The following SGMS1 variants were observed in gnomAD, a reference collection of about 807,000 sequenced individuals.
SGMS1 encodes the protein phosphatidylcholine:ceramide cholinephosphotransferase 1.
Under a neutral mutation model 46.2 loss-of-function variants are expected in SGMS1, and 13 were observed. That is an observed-to-expected ratio of 0.28 (90% confidence interval 0.18 to 0.45). SGMS1 has a LOEUF of 0.45. SGMS1 is among the 20% of genes least tolerant of loss of function. The pLI is 1.00. For synonymous variants in SGMS1, 203 were observed against 187.8 expected (o/e 1.08, Z -0.66); for missense variants, 324 against 519.9 (o/e 0.62, Z 3.66).
chr10:50,386,270 C>G (rs975329384), intron 6 of SGMS1, among the ~76,000 whole-genome samples: 2 of 152,124 alleles, frequency 1.3e-5, no homozygotes, highest in African/African-American at 4.8e-5. Context: ...TTAACCTCAA[C>G]TTTGGAAACA....
chr10:50,343,753 G>A lies in SGMS1; in HGVS notation c.362C>T (p.Pro121Leu). The A allele has an allele frequency of 2.5e-6, 4 of 1,614,116 alleles. No homozygotes were observed. Among genetic ancestry groups the A allele is most frequent in the Non-Finnish European group, 3.4e-6 (4 of 1,180,024 alleles). Residue 121 changes from proline (P) to leucine (L), a missense_variant, in exon 7 of 11, where the codon CCA becomes CTA. By Grantham distance (98) the Pro-to-Leu change is moderately conservative. Transcript: ENST00000361781. The part of the protein sequence containing the change: ...YRKEMIKIPM[P>L]ELERSQYPME... ...GGGGTACTGAGAGCGCTCCAGTTCT[G>A]GCATGGGGATCTTTATCATCTCTTT...
chr10:50,552,209 A>G (rs1282340992), intron 2 of SGMS1, among the ~76,000 whole-genome samples: 1 of 152,200 alleles, frequency 6.6e-6, no homozygotes, highest in Non-Finnish European at 1.5e-5. Context: ...TTAATTTTGT[A>G]TATTTATCTT....
At chr10:50,450,221 G>A (rs1435726167) in intron 5 of SGMS1, among the ~76,000 whole-genome samples, 2 of 152,124 alleles carry the variant, frequency 1.3e-5, no homozygotes, top group African/African-American at 4.8e-5. Flanking sequence ...TATATGATGA[G>A]ACTAAGAAAT....
intron 3 of SGMS1, among the ~76,000 whole-genome samples, chr10:50,475,768 TCTC>T (rs1167167178): frequency 1.3e-5 from 2 of 151,844 alleles, no homozygotes; most frequent in African/African-American, 2.4e-5. Flanking sequence ...CCCCAACCAT[TCTC>T]CTGTCAACCA....
intron 1 of SGMS1, among the ~76,000 whole-genome samples, chr10:50,594,023 A>G (rs139592201): frequency 6.6e-6 from 1 of 152,278 alleles, no homozygotes; most frequent in Non-Finnish European, 1.5e-5. Flanking sequence ...TCTAATGCCA[A>G]ATTGTTTTCC....
chr10:50,420,287 A>G (rs1029980583), intron 6 of SGMS1, among the ~76,000 whole-genome samples: 8 of 152,194 alleles, frequency 5.3e-5, no homozygotes, highest in Non-Finnish European at 5.9e-5. Context: ...ATGGTTCACT[A>G]CCAATAGGCG....
At chr10:50,392,463 A>G (rs970881374) in intron 6 of SGMS1, among the ~76,000 whole-genome samples, 3 of 152,172 alleles carry the variant, frequency 2.0e-5, no homozygotes, top group African/African-American at 4.8e-5. Context: ...CTAACTGTAC[A>G]AGGTCGCGAG....
intron 6 of SGMS1, among the ~76,000 whole-genome samples, chr10:50,431,426 T>C (rs1370481821): frequency 6.6e-6 from 1 of 152,220 alleles, no homozygotes; most frequent in African/African-American, 2.4e-5. Flanking sequence ...TTTTGAGAAC[T>C]AGGTGGGTGA....
At chr10:50,437,905 G>A (rs1463189506) in intron 5 of SGMS1, among the ~76,000 whole-genome samples, 2 of 152,194 alleles carry the variant, frequency 1.3e-5, no homozygotes, top group African/African-American at 4.8e-5. Context: ...AATGCCCACT[G>A]ACAAGGAAGG....
chr10:50,448,098 C>T (rs1207339468), intron 5 of SGMS1, among the ~76,000 whole-genome samples: 1 of 152,122 alleles, frequency 6.6e-6, no homozygotes, highest in Non-Finnish European at 1.5e-5. Context: ...TTCATTTTCT[C>T]CTGAGCCTAC....
chr10:50,325,060 A>G (rs1024924035), intron 8 of SGMS1, among the ~76,000 whole-genome samples: 2 of 152,218 alleles, frequency 1.3e-5, no homozygotes, highest in Non-Finnish European at 2.9e-5. Context: ...TTGAACACCA[A>G]TAGCATTATG....
intron 6 of SGMS1, among the ~76,000 whole-genome samples, chr10:50,388,378 A>C (rs1180543300): frequency 6.6e-6 from 1 of 151,980 alleles, no homozygotes; most frequent in African/African-American, 2.4e-5. Context: ...TCATGCCTGT[A>C]ATCCCAGCAC....
At chr10:50,594,272 C>A (rs978411009) in intron 1 of SGMS1, among the ~76,000 whole-genome samples, 2 of 152,184 alleles carry the variant, frequency 1.3e-5, no homozygotes, top group African/African-American at 4.8e-5. Context: ...ACCCAGCCAA[C>A]ACCACACACT....
chr10:50,532,894 T>C (rs1837967288), intron 2 of SGMS1, among the ~76,000 whole-genome samples: 1 of 152,218 alleles, frequency 6.6e-6, no homozygotes, highest in Non-Finnish European at 1.5e-5. Flanking sequence ...TCAATTCACG[T>C]AAGCAATCCA....
intron 1 of SGMS1, among the ~76,000 whole-genome samples, chr10:50,606,489 A>G (rs975253394): frequency 3.3e-5 from 5 of 152,240 alleles, no homozygotes; most frequent in African/African-American, 1.2e-4. Flanking sequence ...GTATTTTACT[A>G]TAATCAAAAA....
At chr10:50,539,521 T>C (rs1301071622) in intron 2 of SGMS1, among the ~76,000 whole-genome samples, 4 of 152,240 alleles carry the variant, frequency 2.6e-5, no homozygotes, top group African/African-American at 4.8e-5. Flanking sequence ...CTAAGTATTA[T>C]ATGGGACCTG....
intron 6 of SGMS1, among the ~76,000 whole-genome samples, chr10:50,345,627 C>T (rs1847902204): frequency 6.6e-6 from 1 of 151,926 alleles, no homozygotes; most frequent in South Asian, 2.1e-4. Flanking sequence ...GTTGAGAATC[C>T]CTAATGCTGA....
intron 2 of SGMS1, among the ~76,000 whole-genome samples, chr10:50,566,796 A>G (rs1838291688): frequency 6.6e-6 from 1 of 152,232 alleles, no homozygotes; most frequent in Non-Finnish European, 1.5e-5. Flanking sequence ...TCTCTGATGT[A>G]AAACGGTGAA....
intron 9 of SGMS1, among the ~76,000 whole-genome samples, chr10:50,311,027 T>C (rs1377276674): frequency 6.6e-6 from 1 of 152,170 alleles, no homozygotes; most frequent in Admixed American, 6.5e-5. Flanking sequence ...TGGAACTGCC[T>C]CCACCCCAGT....
Sources: gnomAD v4.1 joint callset for allele counts (sites outside exome capture counted in the v4.1 genomes callset) on GRCh38, gnomAD v4.1.1 for gene constraint, MANE v1.5 for transcripts, NCBI Gene and HGNC (gene_info 2026-07-23, HGNC 2026-07-21) for gene names.